ZMAT4: variants seen among roughly 807,000 people sequenced by gnomAD.
ZMAT4 encodes zinc finger matrin-type 4.
A neutral mutation model predicts 28.7 loss-of-function variants in ZMAT4; 17 were observed. That is an observed-to-expected ratio of 0.59 (90% CI 0.41 to 0.89). ZMAT4 has a LOEUF of 0.89. Ranked by LOEUF, ZMAT4 falls within the 40% of genes least tolerant of loss-of-function variation. The pLI is 0.00. For missense variants in ZMAT4, 240 were observed against 283.8 expected (o/e 0.85, Z 1.11); for synonymous variants, 117 against 109.2 (o/e 1.07, Z -0.44).
intron 5 of ZMAT4, among the ~76,000 whole-genome samples, chr8:40,584,163 A>G (rs1804583875): frequency 6.6e-6 from 1 of 152,084 alleles, no homozygotes; most frequent in South Asian, 2.1e-4. Context: ...TCCTGAGGAG[A>G]ATCAATTCGC....
At position 40,897,738 on chromosome 8, in the gene ZMAT4, C is replaced by G. The variant is rs987716167; in HGVS notation, c.-60G>C. On this transcript the variant is annotated 5_prime_UTR_variant, in exon 1 of 7. Transcript: ENST00000297737. ...CCCAGAGGCCAGCTGCCCTGCCGAGCAGTAGAGCGAAGCTGTGGGCTGGAG... is the reference window on the plus strand; with the variant it reads ...CCCAGAGGCCAGCTGCCCTGCCGAGGAGTAGAGCGAAGCTGTGGGCTGGAG... 6.6e-6 allele frequency: 1 copy of G among 152,252 alleles called. No individual in the cohort carries two copies. Among genetic ancestry groups the G allele is most frequent in the East Asian group, 1.9e-4 (1 of 5,170 alleles). The allele number at this position is 152,252 out of a possible 1,614,324, so 9.4% of individuals were successfully genotyped here. A position where few individuals can be genotyped will look rare whatever the true frequency, so the allele number is the denominator to read the frequency against.
At chr8:40,821,871 C>T (rs1046986097) in intron 2 of ZMAT4, among the ~76,000 whole-genome samples, 2 of 152,152 alleles carry the variant, frequency 1.3e-5, no homozygotes, top group Non-Finnish European at 2.9e-5. Flanking sequence ...GTAGCCCTCT[C>T]AATACTCCTT....
chr8:40,661,657 T>C (rs1808200725), intron 5 of ZMAT4, among the ~76,000 whole-genome samples: 1 of 152,202 alleles, frequency 6.6e-6, no homozygotes, highest in Non-Finnish European at 1.5e-5. Flanking sequence ...TAGGACAGGT[T>C]TCTCCTGATT....
chr8:40,556,672 T>C (rs547474000), intron 6 of ZMAT4, among the ~76,000 whole-genome samples: 43 of 152,318 alleles, frequency 2.8e-4, no homozygotes, highest in African/African-American at 1.0e-3. Flanking sequence ...ATCACTTCCA[T>C]GTGACTGCAC....
At chr8:40,683,402 T>G (rs1312553618) in intron 4 of ZMAT4, among the ~76,000 whole-genome samples, 1 of 152,212 alleles carries the variant, frequency 6.6e-6, no homozygotes, top group East Asian at 1.9e-4. Context: ...GTTCTCAAAC[T>G]CTGTGCAGAG....
chr8:40,539,267 AT>A (rs936023607), intron 6 of ZMAT4, among the ~76,000 whole-genome samples: 2 of 152,204 alleles, frequency 1.3e-5, no homozygotes, highest in Non-Finnish European at 2.9e-5. Context: ...TCTTTTGTAA[AT>A]AAACACATGA....
intron 5 of ZMAT4, among the ~76,000 whole-genome samples, chr8:40,583,088 G>A (rs1804547535): frequency 6.6e-6 from 1 of 152,186 alleles, no homozygotes; most frequent in Non-Finnish European, 1.5e-5. Flanking sequence ...TGTACCGTGA[G>A]TTCCATGTGG....
chr8:40,568,961 A>G (rs868418546), intron 6 of ZMAT4, among the ~76,000 whole-genome samples: 1 of 152,168 alleles, frequency 6.6e-6, no homozygotes, highest in Non-Finnish European at 1.5e-5. Flanking sequence ...CCCCTCAACT[A>G]GATTATTAAT....
intron 1 of ZMAT4, among the ~76,000 whole-genome samples, chr8:40,829,254 A>G (rs1185978790): frequency 6.6e-6 from 1 of 152,224 alleles, no homozygotes; most frequent in Non-Finnish European, 1.5e-5. Flanking sequence ...GGCCCAGCAC[A>G]TTGCAAAGGC....
intron 2 of ZMAT4, among the ~76,000 whole-genome samples, chr8:40,805,196 C>G (rs1167680867): frequency 1.3e-5 from 2 of 151,826 alleles, no homozygotes; most frequent in Non-Finnish European, 2.9e-5. Flanking sequence ...AAATGCTCAC[C>G]ATCACTGGCC....
At chr8:40,550,631 C>G (rs1177403849) in intron 6 of ZMAT4, among the ~76,000 whole-genome samples, 1 of 152,100 alleles carries the variant, frequency 6.6e-6, no homozygotes, top group African/African-American at 2.4e-5. Flanking sequence ...GTGAGTGAGT[C>G]TCACGAGATC....
At position 40,788,276 on chromosome 8, in the gene ZMAT4, C is replaced by A. The variant is rs540927261; in HGVS notation, c.103-20546G>T. 2.0e-5 allele frequency among the ~76,000 whole-genome samples: 3 copies of A among 148,248 alleles called. No homozygotes were observed. The East Asian group carries it at 5.8e-4, about 29-fold the overall frequency. On this transcript the variant is annotated intron_variant, in intron 2 of 6. Coordinates refer to ENST00000297737, the MANE Select transcript of ZMAT4 (RefSeq NM_024645.3). ...GAAATGAGCAAATTACCTGAAAAAACAAACTACCAAAGCTTAAGAATAAAT... is the reference window on the plus strand; with the variant it reads ...GAAATGAGCAAATTACCTGAAAAAAAAAACTACCAAAGCTTAAGAATAAAT...
At chr8:40,594,816 CT>C (rs565881314) in intron 5 of ZMAT4, among the ~76,000 whole-genome samples, 50 of 152,308 alleles carry the variant, frequency 3.3e-4, no homozygotes, top group African/African-American at 1.1e-3. Flanking sequence ...TTATACCCAT[CT>C]TTTTTGACAG....
At chr8:40,648,992 G>A (rs10103631) in intron 5 of ZMAT4, among the ~76,000 whole-genome samples, 33 of 141,464 alleles carry the variant, frequency 2.3e-4, no homozygotes, top group Non-Finnish European at 3.6e-4. Context: ...AAAGACCATC[G>A]AGACTAGGAA....
At chr8:40,709,493 A>G (rs1810510882) in intron 3 of ZMAT4, among the ~76,000 whole-genome samples, 1 of 152,244 alleles carries the variant, frequency 6.6e-6, no homozygotes, top group Non-Finnish European at 1.5e-5. Context: ...ACAAAATTAG[A>G]TTATCATCAG....
chr8:40,874,057 A>G (rs1486962011), intron 1 of ZMAT4, among the ~76,000 whole-genome samples: 1 of 152,200 alleles, frequency 6.6e-6, no homozygotes. Context: ...CCTTTCCGCC[A>G]GGAACACACA....
At chr8:40,735,322 C>T (rs930447851) in intron 3 of ZMAT4, among the ~76,000 whole-genome samples, 5 of 152,128 alleles carry the variant, frequency 3.3e-5, no homozygotes, top group African/African-American at 1.2e-4. Flanking sequence ...ACTTTAGTCA[C>T]ATAGGAAATT....
chr8:40,730,915 T>C (rs1811508943), intron 3 of ZMAT4, among the ~76,000 whole-genome samples: 1 of 152,134 alleles, frequency 6.6e-6, no homozygotes, highest in Non-Finnish European at 1.5e-5. Flanking sequence ...CTGCAGTGAA[T>C]TTCAGTCAAT....
intron 1 of ZMAT4, among the ~76,000 whole-genome samples, chr8:40,897,288 C>A (rs1818910011): frequency 6.6e-6 from 1 of 152,068 alleles, no homozygotes; most frequent in Non-Finnish European, 1.5e-5. Context: ...GACCCTATAG[C>A]GGAAAACACA....
Sources: gnomAD v4.1 joint callset for allele counts (sites outside exome capture counted in the v4.1 genomes callset) on GRCh38, gnomAD v4.1.1 for gene constraint, MANE v1.5 for transcripts, NCBI Gene and HGNC (gene_info 2026-07-23, HGNC 2026-07-21) for gene names.